GSG1L: variants seen among roughly 807,000 people sequenced by gnomAD.
The protein encoded by GSG1L is germ cell-specific gene 1-like protein.
Under a neutral mutation model 42.1 loss-of-function variants are expected in GSG1L, and 24 were observed. The ratio of observed to expected loss-of-function variants is 0.57; its 90% CI spans 0.41 to 0.80. GSG1L has a LOEUF of 0.80. GSG1L is among the 30% of genes least tolerant of loss of function. GSG1L has a pLI of 0.00. For synonymous variants in GSG1L, 215 were observed against 203.5 expected, an observed-to-expected ratio of 1.06 and a Z score of -0.48; for missense variants, 445 against 472.2, an observed-to-expected ratio of 0.94 and a Z score of 0.53.
At chr16:27,811,046 C>CA in intron 5 of GSG1L, among the ~76,000 whole-genome samples, 1 of 143,570 alleles carries the variant, frequency 7.0e-6, no homozygotes, top group Non-Finnish European at 1.5e-5. Context: ...AAGCTTGTTT[C>CA]AAAAACAAAC....
rs756540669 is a variant in GSG1L at position 27,869,455 on chromosome 16, TTCTC to T, written c.550+15027_550+15030del. ...TCTTCCTCCCTCCATCTTTCTCTGCTTCTCTCTCTCTGTCTCCCTCCATCTCTCT... is the reference window on the plus strand; with the variant it reads ...TCTTCCTCCCTCCATCTTTCTCTGCTTCTCTCTGTCTCCCTCCATCTCTCT... On this transcript the variant is annotated intron_variant, in intron 3 of 6. Coordinates refer to ENST00000447459, the MANE Select transcript of GSG1L (RefSeq NM_001109763.2). Among the ~76,000 whole-genome samples, 13 of 148,630 alleles carry T rather than the reference TTCTC, an allele frequency of 8.7e-5. No individual in the cohort carries two copies. The East Asian group carries it at 1.4e-3, about 16-fold the overall frequency.
At chr16:27,804,779 T>G (rs1276287089) in intron 6 of GSG1L, among the ~76,000 whole-genome samples, 1 of 4,556 alleles carries the variant, frequency 2.2e-4, no homozygotes, top group Non-Finnish European at 4.1e-4. Context: ...AGACTGGGAT[T>G]GGGGGTGGAG....
chr16:27,938,991 T>C lies in GSG1L; in HGVS notation c.397+24165A>G, dbSNP rs117378117. 2.6e-5 allele frequency among the ~76,000 whole-genome samples: 4 copies of C among 152,300 alleles called. No individual in the cohort carries two copies. The East Asian group carries it at 7.7e-4, about 29-fold the overall frequency. ...TCCGTGAGGATGGATGGATGCTTCA[T>C]TGCTGTGCAGTGGGGACTCTGGGGA... On this transcript the variant is annotated intron_variant, in intron 2 of 6. Coordinates refer to ENST00000447459, the MANE Select transcript of GSG1L (RefSeq NM_001109763.2).
intron 3 of GSG1L, among the ~76,000 whole-genome samples, chr16:27,859,038 G>A (rs1439123073): frequency 6.6e-6 from 1 of 152,176 alleles, no homozygotes; most frequent in Non-Finnish European, 1.5e-5. Flanking sequence ...TTCAGACCCA[G>A]GGCAGGGAAA....
chr16:27,990,253 T>C (rs1192857588), intron 1 of GSG1L, among the ~76,000 whole-genome samples: 1 of 152,226 alleles, frequency 6.6e-6, no homozygotes, highest in Non-Finnish European at 1.5e-5. Context: ...TATTTATATC[T>C]ACAGCAATTG....
chr16:27,960,793 G>A (rs1373289484), intron 2 of GSG1L, among the ~76,000 whole-genome samples: 1 of 152,102 alleles, frequency 6.6e-6, no homozygotes, highest in Non-Finnish European at 1.5e-5. Context: ...GAGACAGCGA[G>A]TACGTGAAAA....
intron 1 of GSG1L, among the ~76,000 whole-genome samples, chr16:28,052,654 C>T (rs945928778): frequency 6.6e-6 from 1 of 152,230 alleles, no homozygotes. Flanking sequence ...TAGAGCCCCC[C>T]ACTGACCTGC....
chr16:27,862,242 G>C (rs1188746443), intron 3 of GSG1L, among the ~76,000 whole-genome samples: 1 of 152,198 alleles, frequency 6.6e-6, no homozygotes, highest in Non-Finnish European at 1.5e-5. Flanking sequence ...AATGAAGTAA[G>C]TAGCCATATT....
At chr16:27,907,535 T>G (rs949002666) in intron 2 of GSG1L, among the ~76,000 whole-genome samples, 3 of 152,232 alleles carry the variant, frequency 2.0e-5, no homozygotes, top group Non-Finnish European at 2.9e-5. Context: ...GCTCCCAGCA[T>G]CTCTGCTCCT....
At position 27,998,934 on chromosome 16, in the gene GSG1L, C is replaced by T. The variant is rs553413509; in HGVS notation, c.350-35731G>A. On this transcript the variant is annotated intron_variant, in intron 1 of 6. Coordinates refer to ENST00000447459, the MANE Select transcript of GSG1L (RefSeq NM_001109763.2). ...TCAAAAGCCCCTTCCTCCATGAAGC[C>T]CTCTCTGATTTCCCCCAAACAGAGT... is the stretch of plus-strand genomic sequence containing the variant. 4.6e-5 allele frequency among the ~76,000 whole-genome samples: 7 copies of T among 152,252 alleles called. 1 individual carries two copies. The East Asian group carries it at 1.4e-3, about 29-fold the overall frequency.
intron 1 of GSG1L, among the ~76,000 whole-genome samples, chr16:28,055,386 C>T (rs1015538496): frequency 6.6e-6 from 1 of 152,034 alleles, no homozygotes; most frequent in African/African-American, 2.4e-5. Flanking sequence ...TTGAATTCCC[C>T]AAGGGATCCC....
intron 2 of GSG1L, among the ~76,000 whole-genome samples, chr16:27,917,287 C>T (rs117024554): frequency 6.6e-6 from 1 of 151,750 alleles, no homozygotes; most frequent in African/African-American, 2.4e-5. Context: ...GCAGTCCTGA[C>T]CTTAAAGTGC....
intron 2 of GSG1L, among the ~76,000 whole-genome samples, chr16:27,947,542 AAAGAAAG>A (rs1339811137): frequency 2.9e-5 from 1 of 34,006 alleles, no homozygotes; most frequent in Non-Finnish European, 5.8e-5. Context: ...AGAATGAAGG[AAAGAAAG>A]AAAGAAAGAA....
At chr16:27,964,982 T>C (rs1248557000) in intron 1 of GSG1L, among the ~76,000 whole-genome samples, 1 of 152,182 alleles carries the variant, frequency 6.6e-6, no homozygotes, top group Non-Finnish European at 1.5e-5. Flanking sequence ...CATAAATATA[T>C]ACACCTACTA....
intron 1 of GSG1L, among the ~76,000 whole-genome samples, chr16:27,982,483 ACT>A (rs1348750697): frequency 1.3e-5 from 2 of 151,914 alleles, no homozygotes; most frequent in Non-Finnish European, 2.9e-5. Flanking sequence ...AAATGGGTGT[ACT>A]CTCTCTTTCC....
chr16:27,946,584 AGAGAGAGAGAGAGAGAGAGAGAGAG>A (rs2084865662), intron 2 of GSG1L, among the ~76,000 whole-genome samples: 2 of 22,766 alleles, frequency 8.8e-5, no homozygotes, highest in Non-Finnish European at 1.6e-4. Context: ...AAAGAAAGAG[AGAGAGAGAGAGAGAGAGAGAGAGAG>A]AGAGAGAGAG....
In GSG1L at chr16:27,882,018, T is replaced by C. The variant is rs143298151; in HGVS notation, c.550+2468A>G. Among the ~76,000 whole-genome samples, 313 of 152,274 alleles carry C rather than the reference T, an allele frequency of 2.1e-3. 2 individuals carry two copies. The highest frequency in any genetic ancestry group is 0.016 in the East Asian group (84 of 5,176). Reference sequence around the variant, plus strand: ...CCCAGAGAGATCATCCCTGATGTGATTTGGCTGTGTCCCCACCCAAATCTC... The same window carrying C: ...CCCAGAGAGATCATCCCTGATGTGACTTGGCTGTGTCCCCACCCAAATCTC... On this transcript the variant is annotated intron_variant, in intron 3 of 6. Transcript: ENST00000447459.
Position 27,828,840 on chromosome 16 carries a change from C to T in GSG1L, c.779G>A (p.Arg260Gln), listed in dbSNP as rs772785003. The change falls in exon 5 of 7, where the codon CGG (arginine) becomes CAG (glutamine). Residue 260 changes from arginine (R) to glutamine (Q), a missense_variant. Coordinates refer to ENST00000447459, the MANE Select transcript of GSG1L (RefSeq NM_001109763.2). ...AGGGTCTATGAAGGTCGGCTCTTCC[C>T]GGTAGCCCTGCTCAAAGACCTTGCG... Reference protein sequence around the residue: ...HKRKVFEQGYREEPTFIDPEA... With the variant: ...HKRKVFEQGYQEEPTFIDPEA... 6 of 1,614,060 alleles carry T rather than the reference C, an allele frequency of 3.7e-6. No individual in the cohort carries two copies. Among genetic ancestry groups the T allele is most frequent in the Admixed American group, 3.3e-5 (2 of 60,002 alleles).
chr16:27,974,153 A>G (rs2085226006), intron 1 of GSG1L, among the ~76,000 whole-genome samples: 1 of 152,142 alleles, frequency 6.6e-6, no homozygotes, highest in South Asian at 2.1e-4. Context: ...TTCCTGCTTC[A>G]GGGAGGGGAC....
Sources: gnomAD v4.1 joint callset for allele counts (sites outside exome capture counted in the v4.1 genomes callset) on GRCh38, gnomAD v4.1.1 for gene constraint, MANE v1.5 for transcripts, NCBI Gene and HGNC (gene_info 2026-07-23, HGNC 2026-07-21) for gene names.